ZNF587: variants seen among roughly 807,000 people sequenced by gnomAD.
The protein encoded by ZNF587 is zinc finger protein 587, also known as zinc finger protein zfp6.
A neutral mutation model predicts 7.5 loss-of-function variants in ZNF587; 8 were observed. The observed-to-expected ratio is 1.06, with a 90% CI of 0.62 to 1.92. The LOEUF is 1.92. Ranked by LOEUF, ZNF587 falls within the 40% of genes most tolerant of loss-of-function variation. The pLI is 0.00. For synonymous variants in ZNF587, 145 were observed against 237.8 expected (o/e 0.61, Z 3.59); for missense variants, 468 against 692.8 (o/e 0.68, Z 3.64).
In ZNF587 at chr19:57,862,606, T is replaced by C. The variant is rs544541662; in HGVS notation, c.*2466T>C. The C allele has an allele frequency of 3.6e-4, 55 of 154,870 alleles. No homozygotes were observed. The highest frequency in any genetic ancestry group is 2.1e-3 in the Middle Eastern group (4 of 1,926). The allele number at this position is 154,870 out of a possible 1,614,324, so 9.6% of individuals were successfully genotyped here. A position where few individuals can be genotyped will look rare whatever the true frequency, so the allele number is the denominator to read the frequency against. On this transcript the variant is annotated 3_prime_UTR_variant, in exon 3 of 3. Coordinates refer to ENST00000339656, the MANE Select transcript of ZNF587 (RefSeq NM_032828.4). ...GGAATCCAGAATCTTTTTTCAGGGG[T>C]CACATGCCCATTTCCCCACTTGCAT...
At chr19:57,855,178 C>T (rs1238070265) in intron 1 of ZNF587, among the ~76,000 whole-genome samples, 1 of 150,326 alleles carries the variant, frequency 6.7e-6, no homozygotes, top group Admixed American at 6.6e-5. Flanking sequence ...AGCAAGACTC[C>T]GTCTCAAAAA....
At chr19:57,850,258 G>A (rs1287798718) in intron 1 of ZNF587, 187 bp downstream of exon 1, 13 of 937,366 alleles carry the variant, frequency 1.4e-5, no homozygotes, top group Admixed American at 5.5e-5. Flanking sequence ...AGACAGAGCC[G>A]ATTTATGAAG....
chr19:57,850,270 CTG>C, intron 1 of ZNF587, 199 bp downstream of exon 1: 6 of 836,200 alleles, frequency 7.2e-6, no homozygotes, highest in Non-Finnish European at 7.5e-6. Flanking sequence ...TTTATGAAGA[CTG>C]GGGAATTGCG....
chr19:57,859,632 C>G lies in ZNF587; in HGVS notation c.1220C>G (p.Pro407Arg). 6.2e-7 allele frequency: 1 copy of G among 1,613,940 alleles called. No individual in the cohort carries two copies. The highest frequency in any genetic ancestry group is 8.5e-7 in the Non-Finnish European group (1 of 1,179,998). ...CAGCGAGGTCATACTGGAGAAAGGC[C>G]CTATGAGTGCAAGGAATGTGGGAAA... Reference protein sequence around the residue: ...HHQRGHTGERPYECKECGKSF... With the variant: ...HHQRGHTGERRYECKECGKSF... Residue 407 changes from proline to arginine, a missense_variant, in exon 3 of 3, where the codon CCC (proline) becomes CGC (arginine). By Grantham distance (103) the Pro-to-Arg change is moderately radical. Around this residue, in one of 5 missense-constraint regions of ZNF587, gnomAD observed 310 missense variants for 325.6 expected, o/e 0.95. Coordinates refer to ENST00000339656, the MANE Select transcript of ZNF587 (RefSeq NM_032828.4).
At position 57,856,313 on chromosome 19, in the gene ZNF587, C is replaced by T. The variant is rs149490583; in HGVS notation, c.163+80C>T. On this transcript the variant is annotated intron_variant, in intron 2 of 2. Coordinates refer to ENST00000339656, the MANE Select transcript of ZNF587 (RefSeq NM_032828.4). ...TTTTCATTGACAGGACTGTCTTTCT[C>T]ACCTAAGGAGCCTGGACACAGGTTC... is the stretch of plus-strand genomic sequence containing the variant. The T allele has an allele frequency of 2.2e-4, 343 of 1,528,462 alleles. 1 individual carries two copies. The East Asian group carries it at 6.2e-3, about 28-fold the overall frequency. The allele number at this position is 1,528,462 out of a possible 1,614,324, so 94.7% of individuals were successfully genotyped here. A position where few individuals can be genotyped will look rare whatever the true frequency, so the allele number is the denominator to read the frequency against.
intron 1 of ZNF587, among the ~76,000 whole-genome samples, chr19:57,852,840 C>CTGTTTTTTTTT (rs2071298567): frequency 4.0e-5 from 1 of 25,286 alleles, no homozygotes; most frequent in African/African-American, 1.9e-4. Context: ...GACAGCTAGG[C>CTGTTTTTTTTT]TTTTTTTTTT....
At chr19:57,853,189 G>C (rs933464775) in intron 1 of ZNF587, among the ~76,000 whole-genome samples, 1 of 152,202 alleles carries the variant, frequency 6.6e-6, no homozygotes, top group Non-Finnish European at 1.5e-5. Flanking sequence ...ATAGGAGCAT[G>C]AAAGAGGAAT....
At position 57,860,574 on chromosome 19, in the gene ZNF587, C is replaced by G. The variant is rs761786196; in HGVS notation, c.*434C>G. On this transcript the variant is annotated 3_prime_UTR_variant, in exon 3 of 3. Coordinates refer to ENST00000339656, the MANE Select transcript of ZNF587 (RefSeq NM_032828.4). ...TGAGCCTCTGCACCTGGCCTTCATT[C>G]TTTTCGTATTGCTTAGAATATGACA... 4.9e-5 allele frequency: 11 copies of G among 225,968 alleles called. No homozygotes were observed. Among genetic ancestry groups the G allele is most frequent in the Non-Finnish European group, 7.1e-5 (8 of 113,176 alleles). 14.0% of individuals were successfully genotyped at this position (225,968 alleles called of 1,614,324 possible).
At chr19:57,857,525 C>G (rs1431134282) in intron 2 of ZNF587, among the ~76,000 whole-genome samples, 1 of 151,940 alleles carries the variant, frequency 6.6e-6, no homozygotes, top group Non-Finnish European at 1.5e-5. Context: ...GTTAAACCAT[C>G]TATGACCACC....
At position 57,859,803 on chromosome 19, in the gene ZNF587, A is replaced by G. The variant is rs551675657; in HGVS notation, c.1391A>G (p.Tyr464Cys). 1.2e-6 allele frequency: 2 copies of G among 1,614,148 alleles called. No individual in the cohort carries two copies. The highest frequency in any genetic ancestry group is 2.2e-5 in the South Asian group (2 of 91,086). The stretch of plus-strand genomic sequence containing the variant: ...AGAGTTCACACTGGAGAAAGGCCAT[A>G]TGCGTGTGAGGTATGTGGGAAATTA... The part of the protein sequence containing the change: ...HERVHTGERP[Y>C]ACEVCGKLFG... Residue 464 changes from tyrosine to cysteine, a missense_variant, in exon 3 of 3, where the codon TAT becomes TGT. Transcript: ENST00000339656.
chr19:57,850,721 C>G (rs572644314), intron 1 of ZNF587: 1 of 395,848 alleles, frequency 2.5e-6, no homozygotes, highest in African/African-American at 2.1e-5. Flanking sequence ...GGCTTCCTGG[C>G]GGCCCAGAGC....
chr19:57,856,409 GT>G (rs113480202), intron 2 of ZNF587, among the ~76,000 whole-genome samples, 176 bp downstream of exon 2: 16,214 of 141,364 alleles, frequency 0.11, 2,668 homozygotes, highest in African/African-American at 0.37. Flanking sequence ...TTCCTCTCCT[GT>G]TTTTTTTTTT....
rs2071473612 is a variant in ZNF587, at chr19:57,864,077, A to C, written c.*3937A>C. On this transcript the variant is annotated 3_prime_UTR_variant, in exon 3 of 3. Transcript: ENST00000339656. ...AAAAAACTCAATCCATAAATGTTATACTTTATAACTTTATAACAGCATGTT... is the reference window on the plus strand; with the variant it reads ...AAAAAACTCAATCCATAAATGTTATCCTTTATAACTTTATAACAGCATGTT... 1.3e-5 allele frequency: 2 copies of C among 150,112 alleles called. No individual in the cohort carries two copies. The highest frequency in any genetic ancestry group is 3.0e-5 in the Non-Finnish European group (2 of 67,628). 9.3% of individuals were successfully genotyped at this position (150,112 alleles called of 1,614,324 possible). A position where few individuals can be genotyped will look rare whatever the true frequency, so the allele number is the denominator to read the frequency against.
Position 57,858,458 on chromosome 19 carries a change from T to G in ZNF587, c.164-118T>G, listed in dbSNP as rs529179540. 33 of 1,475,474 alleles carry G rather than the reference T, an allele frequency of 2.2e-5. No homozygotes were observed. The African/African-American group carries it at 4.1e-4, about 18-fold the overall frequency. The allele number at this position is 1,475,474 out of a possible 1,614,324, so 91.4% of individuals were successfully genotyped here. A position where few individuals can be genotyped will look rare whatever the true frequency, so the allele number is the denominator to read the frequency against. ...CCCATCTTCAACTTGAAGCCAACAT[T>G]GTGTTCCTGCAAATATTTCTATAGA... On this transcript the variant is annotated intron_variant, in intron 2 of 2. Coordinates refer to ENST00000339656, the MANE Select transcript of ZNF587 (RefSeq NM_032828.4).
chr19:57,853,064 G>T (rs560311273), intron 1 of ZNF587, among the ~76,000 whole-genome samples: 2 of 151,824 alleles, frequency 1.3e-5, no homozygotes, highest in African/African-American at 4.8e-5. Flanking sequence ...TGTTGGCCAG[G>T]CTAGTCTCAA....
At position 57,862,214 on chromosome 19, in the gene ZNF587, A is replaced by G. The variant is rs2071441583; in HGVS notation, c.*2074A>G. On this transcript the variant is annotated 3_prime_UTR_variant, in exon 3 of 3. Transcript: ENST00000339656. ...ATGCCACCATAGCTTTCTTTTCAAC[A>G]TCTTTCTAAGATTACCTTACTATTT... 1 of 152,206 alleles carries G rather than the reference A, an allele frequency of 6.6e-6. No homozygotes were observed. Among genetic ancestry groups the G allele is most frequent in the African/African-American group, 2.4e-5 (1 of 41,448 alleles). 9.4% of individuals were successfully genotyped at this position (152,206 alleles called of 1,614,324 possible).
intron 2 of ZNF587, chr19:57,857,126 T>C (rs2071367024): frequency 6.6e-6 from 1 of 152,000 alleles, no homozygotes; most frequent in South Asian, 2.1e-4. Context: ...ATGTACTGGG[T>C]GTGAGATGGA....
rs2071471020 is a variant in ZNF587 at position 57,863,924 on chromosome 19, T to C, written c.*3784T>C. Reference sequence around the variant, plus strand: ...CGGGCATGGTGGCGGGTGCCTGTAGTCCCAGCTACTCGGGAGGCTGAGGCC... The same window carrying C: ...CGGGCATGGTGGCGGGTGCCTGTAGCCCCAGCTACTCGGGAGGCTGAGGCC... On this transcript the variant is annotated 3_prime_UTR_variant, in exon 3 of 3. Coordinates refer to ENST00000339656, the MANE Select transcript of ZNF587 (RefSeq NM_032828.4). 6.7e-6 allele frequency: 1 copy of C among 150,288 alleles called. No individual in the cohort carries two copies. Among genetic ancestry groups the C allele is most frequent in the African/African-American group, 2.4e-5 (1 of 40,850 alleles). 9.3% of individuals were successfully genotyped at this position (150,288 alleles called of 1,614,324 possible). A position where few individuals can be genotyped will look rare whatever the true frequency, so the allele number is the denominator to read the frequency against.
chr19:57,852,537 T>A (rs12610231), intron 1 of ZNF587: 118,122 of 394,656 alleles, frequency 0.3, 19,398 homozygotes, highest in East Asian at 0.54. Context: ...TTTCTTTTTT[T>A]TTTCTTAACG....
Sources: gnomAD v4.1 joint callset for allele counts (sites outside exome capture counted in the v4.1 genomes callset) on GRCh38, gnomAD v4.1.1 for gene constraint, gnomAD v4.1.1 regional missense constraint, MANE v1.5 for transcripts, NCBI Gene and HGNC (gene_info 2026-07-23, HGNC 2026-07-21) for gene names.